Variants in SV2C observed in about 807,000 individuals in gnomAD.
SV2C encodes the protein solute carrier family 22 member B3.
Under a neutral mutation model 79.7 loss-of-function variants are expected in SV2C, and 49 were observed. The observed-to-expected ratio is 0.61, with a 90% CI of 0.49 to 0.78. SV2C has a LOEUF of 0.78. Ranked by LOEUF, SV2C falls within the 30% of genes least tolerant of loss-of-function variation. The pLI is 0.00. For synonymous variants in SV2C, 334 were observed against 333.2 expected (o/e 1.00, Z -0.03); for missense variants, 833 against 912.9 (o/e 0.91, Z 1.13).
Position 76,331,394 on chromosome 5 carries a change from C to G in SV2C, c.*5847C>G, listed in dbSNP as rs1024409402. 1 of 152,292 alleles carries G rather than the reference C, an allele frequency of 6.6e-6. No individual in the cohort carries two copies. Among genetic ancestry groups the G allele is most frequent in the East Asian group, 1.9e-4 (1 of 5,206 alleles). The allele number at this position is 152,292 out of a possible 1,614,324, so 9.4% of individuals were successfully genotyped here. A position where few individuals can be genotyped will look rare whatever the true frequency, so the allele number is the denominator to read the frequency against. The stretch of plus-strand genomic sequence containing the variant: ...GACATCCTAAAGCAGCTTCCCTCCT[C>G]GCTACCCTCAGCAGATAAGCCATCC... On this transcript the variant is annotated 3_prime_UTR_variant, in exon 13 of 13. Coordinates refer to ENST00000502798, the MANE Select transcript of SV2C (RefSeq NM_014979.4).
At chr5:75,878,842 A>T in the SV2C span, among the ~76,000 whole-genome samples, 1 of 149,940 alleles carries the variant, frequency 6.7e-6, no homozygotes, top group African/African-American at 2.5e-5. Flanking sequence ...CTGAGGCTGG[A>T]TAATTTATAT....
At chr5:76,173,967 T>C in intron 2 of SV2C, 1 of 1,561,054 alleles carries the variant, frequency 6.4e-7, no homozygotes, top group Non-Finnish European at 8.8e-7. Flanking sequence ...TGTCCATTTT[T>C]CATGTATAAA....
At chr5:76,110,456 C>T (rs767716082) in intron 1 of SV2C, among the ~76,000 whole-genome samples, 2 of 152,168 alleles carry the variant, frequency 1.3e-5, no homozygotes, top group Non-Finnish European at 2.9e-5. Context: ...AGTTAGTAGG[C>T]AGGGCACTCT....
intron 4 of SV2C, among the ~76,000 whole-genome samples, chr5:76,256,897 C>T (rs148863040): frequency 2.4e-4 from 36 of 152,342 alleles, no homozygotes; most frequent in Non-Finnish European, 3.2e-4. Context: ...TCCTCTTGAT[C>T]GGGGTTGTAA....
intron 2 of SV2C, among the ~76,000 whole-genome samples, chr5:76,165,390 T>C (rs1306583463): frequency 6.6e-6 from 1 of 152,206 alleles, no homozygotes; most frequent in African/African-American, 2.4e-5. Context: ...GGTATAGTTC[T>C]AGGAAGTTTT....
At chr5:76,107,709 C>G (rs1032943909) in intron 1 of SV2C, among the ~76,000 whole-genome samples, 2 of 152,138 alleles carry the variant, frequency 1.3e-5, no homozygotes, top group Non-Finnish European at 2.9e-5. Context: ...GAAAAATTAG[C>G]CAGACATGGT....
the SV2C span, among the ~76,000 whole-genome samples, chr5:76,042,872 T>C: frequency 6.6e-6 from 1 of 152,202 alleles, no homozygotes; most frequent in Non-Finnish European, 1.5e-5. Flanking sequence ...TCGCTGCAGC[T>C]GACCTCTCTG....
the SV2C span, among the ~76,000 whole-genome samples, chr5:75,853,512 C>A: frequency 7.0e-6 from 1 of 142,684 alleles, no homozygotes; most frequent in Non-Finnish European, 1.5e-5. Context: ...GCACAGATCG[C>A]GCCACTGCAC....
In SV2C at chr5:76,209,838, C is replaced by A. The variant is rs181658822; in HGVS notation, c.864C>A (p.Ile288=). The stretch of plus-strand genomic sequence containing the variant: ...GCTGGCTCTGCATGTTCTGGATGAT[C>A]GGTGGCATCTACGCCTCTGCCATGG... The part of the protein sequence containing the change: ...HLSWLCMFWM[I]GGIYASAMAW... The change falls in exon 4 of 13, where the codon ATC becomes ATA. Residue 288 remains isoleucine (I), a synonymous_variant. Coordinates refer to ENST00000502798, the MANE Select transcript of SV2C (RefSeq NM_014979.4). 40 of 1,614,200 alleles carry A rather than the reference C, an allele frequency of 2.5e-5. No homozygotes were observed. In the East Asian group the frequency reaches 5.8e-4, roughly 23 times the overall value.
chr5:75,969,076 A>T, the SV2C span, among the ~76,000 whole-genome samples: 1 of 152,192 alleles, frequency 6.6e-6, no homozygotes, highest in Non-Finnish European at 1.5e-5. Context: ...AGCCAAACTA[A>T]ACCTCGTCAG....
chr5:76,253,202 T>C (rs2112442484), intron 4 of SV2C, among the ~76,000 whole-genome samples: 1 of 152,322 alleles, frequency 6.6e-6, no homozygotes, highest in East Asian at 1.9e-4. Context: ...TAGAATTCTG[T>C]GCAGATAGTG....
the SV2C span, among the ~76,000 whole-genome samples, chr5:75,978,588 A>T: frequency 6.6e-6 from 1 of 152,290 alleles, no homozygotes; most frequent in African/African-American, 2.4e-5. Flanking sequence ...GCTCTTATCC[A>T]CACAAATATA....
At chr5:76,161,704 T>G (rs1742902959) in intron 2 of SV2C, among the ~76,000 whole-genome samples, 1 of 152,204 alleles carries the variant, frequency 6.6e-6, no homozygotes, top group Admixed American at 6.5e-5. Flanking sequence ...TGCATATATC[T>G]GTAAATATAC....
the SV2C span, among the ~76,000 whole-genome samples, chr5:75,867,330 A>C: frequency 8.5e-5 from 13 of 152,156 alleles, no homozygotes; most frequent in Non-Finnish European, 1.3e-4. Flanking sequence ...AATACCCAAC[A>C]CAAGACGGAT....
intron 4 of SV2C, among the ~76,000 whole-genome samples, chr5:76,282,172 G>A (rs948025179): frequency 4.6e-5 from 7 of 152,332 alleles, no homozygotes; most frequent in South Asian, 4.1e-4. Flanking sequence ...TTTATCCCAC[G>A]TAAATGGCAA....
At chr5:76,016,948 C>T in the SV2C span, among the ~76,000 whole-genome samples, 11 of 152,306 alleles carry the variant, frequency 7.2e-5, 1 homozygote, top group East Asian at 1.9e-3. Flanking sequence ...CTGCGCTGTG[C>T]GTCAAAGCAT....
At chr5:76,280,261 ATG>A (rs1338822082) in intron 4 of SV2C, among the ~76,000 whole-genome samples, 1 of 152,046 alleles carries the variant, frequency 6.6e-6, no homozygotes, top group African/African-American at 2.4e-5. Flanking sequence ...GTGTGTTCAT[ATG>A]TGTGTGTCAC....
the SV2C span, among the ~76,000 whole-genome samples, chr5:75,917,459 T>A: frequency 6.6e-6 from 1 of 152,244 alleles, no homozygotes; most frequent in African/African-American, 2.4e-5. Context: ...CACAGAGCTT[T>A]CACAGAATCA....
At chr5:76,163,388 G>A (rs1742954117) in intron 2 of SV2C, among the ~76,000 whole-genome samples, 1 of 152,222 alleles carries the variant, frequency 6.6e-6, no homozygotes. Flanking sequence ...ATGTGTACAT[G>A]GGGGACAAAA....
Sources: gnomAD v4.1 joint callset for allele counts (sites outside exome capture counted in the v4.1 genomes callset) on GRCh38, gnomAD v4.1.1 for gene constraint, MANE v1.5 for transcripts, NCBI Gene and HGNC (gene_info 2026-07-23, HGNC 2026-07-21) for gene names.